MAPK10: variants seen among roughly 807,000 people sequenced by gnomAD.
MAPK10 encodes the protein JNK3 alpha protein kinase.
MAPK10 carries 25 observed loss-of-function variants against 59.3 expected under a neutral mutation model. That is an observed-to-expected ratio of 0.42 (90% CI 0.31 to 0.59). The LOEUF (loss-of-function observed/expected upper bound fraction) is 0.59, where lower values mean the gene tolerates loss of function less well. Among genes scored for constraint, MAPK10 ranks in the 20% least tolerant of loss-of-function variants. The probability of loss-of-function intolerance (pLI) is 0.15; values close to 1 mark genes in which losing one functional copy is unlikely to be tolerated. For synonymous variants in MAPK10, 190 were observed against 200.5 expected, an observed-to-expected ratio of 0.95 and a Z score of 0.44; for missense variants, 351 against 568.9, an observed-to-expected ratio of 0.62 and a Z score of 3.90.
chr4:86,556,009 G>A (rs1760240514), intron 1 of MAPK10, among the ~76,000 whole-genome samples: 1 of 152,134 alleles, frequency 6.6e-6, no homozygotes, highest in African/African-American at 2.4e-5. Flanking sequence ...TCTGTTTAGA[G>A]TATGAATTTC....
At chr4:86,506,586 T>C (rs1270253074) in intron 1 of MAPK10, among the ~76,000 whole-genome samples, 1 of 151,868 alleles carries the variant, frequency 6.6e-6, no homozygotes, top group African/African-American at 2.4e-5. Flanking sequence ...CAACTACAAA[T>C]AGTTTATTTG....
intron 4 of MAPK10, among the ~76,000 whole-genome samples, chr4:86,109,681 C>A (rs916913340): frequency 6.6e-6 from 1 of 152,050 alleles, no homozygotes; most frequent in Admixed American, 6.6e-5. Flanking sequence ...TCGTGCATAG[C>A]GCTGCAATGG....
intron 4 of MAPK10, among the ~76,000 whole-genome samples, chr4:86,136,396 A>G (rs997574478): frequency 6.6e-6 from 1 of 152,134 alleles, no homozygotes; most frequent in Non-Finnish European, 1.5e-5. Flanking sequence ...TTCTTAAAGA[A>G]AAGAATTTTC....
chr4:86,203,470 C>A (rs1303351295), intron 2 of MAPK10, among the ~76,000 whole-genome samples: 3 of 151,506 alleles, frequency 2.0e-5, no homozygotes, highest in African/African-American at 7.3e-5. Context: ...CTGGGCAGCT[C>A]CAGGATTCCA....
intron 2 of MAPK10, among the ~76,000 whole-genome samples, chr4:86,223,923 A>G (rs1000660912): frequency 1.3e-5 from 2 of 152,208 alleles, no homozygotes; most frequent in Non-Finnish European, 2.9e-5. Context: ...TGTGCCTTTC[A>G]TACCCTCTTG....
chr4:86,251,548 G>GCCACATTTTCTTAAT (rs2093432480), intron 2 of MAPK10, among the ~76,000 whole-genome samples: 1 of 133,632 alleles, frequency 7.5e-6, no homozygotes, highest in Non-Finnish European at 1.6e-5. Context: ...GTGTATATGT[G>GCCACATTTTCTTAAT]CCACATTTTC....
chr4:86,055,453 G>T (rs1257619126), intron 11 of MAPK10, among the ~76,000 whole-genome samples: 1 of 149,618 alleles, frequency 6.7e-6, no homozygotes, highest in African/African-American at 2.5e-5. Flanking sequence ...CAATTGATGT[G>T]CTTTATCAAG....
chr4:86,184,919 C>G (rs1192727288), intron 3 of MAPK10, among the ~76,000 whole-genome samples: 1 of 152,124 alleles, frequency 6.6e-6, no homozygotes, highest in Non-Finnish European at 1.5e-5. Flanking sequence ...ATGTCAGATA[C>G]TATTGTGAGT....
At chr4:86,245,297 T>G (rs1287600959) in intron 2 of MAPK10, among the ~76,000 whole-genome samples, 3 of 150,462 alleles carry the variant, frequency 2.0e-5, no homozygotes, top group Non-Finnish European at 2.9e-5. Context: ...AAACACACAC[T>G]AGCACAAGTG....
At chr4:86,303,087 A>T (rs1352489155) in intron 2 of MAPK10, among the ~76,000 whole-genome samples, 1 of 152,190 alleles carries the variant, frequency 6.6e-6, no homozygotes, top group Non-Finnish European at 1.5e-5. Flanking sequence ...GTATGACAGA[A>T]GAAAAATGTC....
Position 86,076,990 on chromosome 4 carries a change from C to A in MAPK10, c.803-9035G>T, listed in dbSNP as rs539469028. ...TGATGTGCTGTTTCAGAAATTATCA[C>A]CCTTAACATAAATTATGAAATGCAT... On this transcript the variant is annotated intron_variant, in intron 9 of 13. Coordinates refer to ENST00000641462, the MANE Select transcript of MAPK10 (RefSeq NM_138982.4). Among the ~76,000 whole-genome samples the A allele has an allele frequency of 5.3e-5, 8 of 152,058 alleles. No individual in the cohort carries two copies. The East Asian group carries it at 1.2e-3, about 22-fold the overall frequency.
intron 9 of MAPK10, among the ~76,000 whole-genome samples, chr4:86,071,226 T>C (rs1436467397): frequency 6.6e-6 from 1 of 152,132 alleles, no homozygotes; most frequent in Non-Finnish European, 1.5e-5. Context: ...TTCGCCCACT[T>C]TTTAATGGGG....
At chr4:86,508,770 T>TA (rs1755987881) in intron 1 of MAPK10, among the ~76,000 whole-genome samples, 2 of 152,240 alleles carry the variant, frequency 1.3e-5, no homozygotes, top group African/African-American at 2.4e-5. Flanking sequence ...CACCATGATC[T>TA]AAACCACCAG....
At chr4:86,479,392 T>C (rs1753388842) in intron 1 of MAPK10, among the ~76,000 whole-genome samples, 1 of 152,038 alleles carries the variant, frequency 6.6e-6, no homozygotes, top group Non-Finnish European at 1.5e-5. Context: ...TACAGCCCAT[T>C]TGAGCTCCTG....
intron 4 of MAPK10, among the ~76,000 whole-genome samples, chr4:86,141,382 G>T (rs912530724): frequency 2.0e-5 from 3 of 152,136 alleles, no homozygotes; most frequent in Non-Finnish European, 4.4e-5. Context: ...TTAACCTGAG[G>T]AAATTGTGTC....
intron 1 of MAPK10, among the ~76,000 whole-genome samples, chr4:86,459,481 C>T (rs1216886274): frequency 3.3e-5 from 5 of 152,048 alleles, no homozygotes; most frequent in Non-Finnish European, 1.5e-5. Flanking sequence ...TTTGCAATTG[C>T]AAAAATGTGG....
In MAPK10 at chr4:86,139,771, T is replaced by G. The variant is rs1437783082; in HGVS notation, c.236+19527A>C. ...ACATACAAAATGGGAGAAAATTTTC[T>G]CAACCTACTCATCTGACAAAGGGCT... On this transcript the variant is annotated intron_variant, in intron 4 of 13. Transcript: ENST00000641462. 6.6e-5 allele frequency among the ~76,000 whole-genome samples: 10 copies of G among 151,814 alleles called. No homozygotes were observed. The South Asian group carries it at 1.0e-3, about 16-fold the overall frequency.
intron 1 of MAPK10, among the ~76,000 whole-genome samples, chr4:86,529,170 G>A (rs1757687289): frequency 6.6e-6 from 1 of 152,160 alleles, no homozygotes; most frequent in Non-Finnish European, 1.5e-5. Flanking sequence ...TATTGTCTCC[G>A]GGCTCGATGA....
In MAPK10 at chr4:86,429,464, T is replaced by C. The variant is rs116405389; in HGVS notation, c.-122+23566A>G. ...ATCTTTTCTGTTTATTATTCTGTTA[T>C]TATCATATATAATTAGATCATTATC... On this transcript the variant is annotated intron_variant, in intron 1 of 13. Coordinates refer to the MAPK10 transcript ENST00000361569. 7.7e-3 allele frequency among the ~76,000 whole-genome samples: 1,169 copies of C among 152,310 alleles called. 22 individuals carry two copies. The highest frequency in any genetic ancestry group is 0.026 in the African/African-American group (1,077 of 41,566).
Sources: gnomAD v4.1 joint callset for allele counts (sites outside exome capture counted in the v4.1 genomes callset) on GRCh38, gnomAD v4.1.1 for gene constraint, MANE v1.5 for transcripts, NCBI Gene and HGNC (gene_info 2026-07-23, HGNC 2026-07-21) for gene names.